INSL6: variants seen among roughly 807,000 people sequenced by gnomAD.
The protein encoded by INSL6 is insulin-like peptide INSL6.
Under a neutral mutation model 9.4 loss-of-function variants are expected in INSL6, and 16 were observed. That is an observed-to-expected ratio of 1.70 (90% CI 1.15 to 2.59). The LOEUF (loss-of-function observed/expected upper bound fraction) is 2.59. Ranked by LOEUF, INSL6 falls within the 30% of genes most tolerant of loss-of-function variation. The pLI is 0.00. For missense variants in INSL6, 391 were observed against 257.3 expected, an observed-to-expected ratio of 1.52 and a Z score of -3.56; for synonymous variants, 154 against 96.9, an observed-to-expected ratio of 1.59 and a Z score of -3.46.
chr9:5,005,107 T>A, the INSL6 span, among the ~76,000 whole-genome samples: 1 of 110,626 alleles, frequency 9.0e-6, no homozygotes, highest in Non-Finnish European at 1.9e-5. Context: ...TTTTTTTTTT[T>A]TTTTTTTTTT....
At position 5,185,467 on chromosome 9, in the gene INSL6, C is replaced by T. The variant is rs758358190; in HGVS notation, c.136G>A (p.Gly46Ser). The change falls in exon 1 of 2, where the codon GGC (glycine) becomes AGC (serine). Residue 46 changes from glycine to serine, a missense_variant. Gly to Ser is a moderately conservative substitution (Grantham distance 56, BLOSUM62 0). Coordinates refer to ENST00000381641, the MANE Select transcript of INSL6 (RefSeq NM_007179.3). ...YLVKEIEKLC[G>S]HANWSQFRFE... is the part of the protein sequence containing the mutation. Reference sequence around the variant, plus strand: ...CGGAACTGGCTCCAGTTGGCATGGCCGCAGAGTTTTTCTATTTCTTTCACC... The same window carrying T: ...CGGAACTGGCTCCAGTTGGCATGGCTGCAGAGTTTTTCTATTTCTTTCACC... 5.0e-6 allele frequency: 8 copies of T among 1,614,168 alleles called. No individual in the cohort carries two copies. In the East Asian group the frequency reaches 6.7e-5, roughly 13 times the overall value.
At chr9:5,055,862 C>T in the INSL6 span, 4 of 1,330,252 alleles carry the variant, frequency 3.0e-6, no homozygotes, top group Admixed American at 6.6e-5. Context: ...AATCTTAGTA[C>T]CAAAATTATT....
rs2130905180 is a variant in INSL6 at position 5,164,046 on chromosome 9, T to C, written c.509A>G (p.Lys170Arg). 2 of 1,613,804 alleles carry C rather than the reference T, an allele frequency of 1.2e-6. No homozygotes were observed. Among genetic ancestry groups the C allele is most frequent in the South Asian group, 2.2e-5 (2 of 91,044 alleles). Residue 170 changes from lysine (K) to arginine (R), a missense_variant, in exon 2 of 2, where the codon AAA becomes AGA. Lys to Arg is a conservative substitution (Grantham distance 26). Transcript: ENST00000381641. ...ACACTTTTCTGAATATCCTCTGCGT[T>C]TTCTTTGGGGATGATGCCCCCAAAA... The part of the protein sequence containing the change: ...NLFWGHHPQR[K>R]RRGYSEKCCL...
At chr9:5,171,673 C>T (rs931894971) in intron 1 of INSL6, among the ~76,000 whole-genome samples, 3 of 152,132 alleles carry the variant, frequency 2.0e-5, no homozygotes, top group Non-Finnish European at 4.4e-5. Context: ...GTGCAAAGGT[C>T]ACACACATTC....
At chr9:5,028,666 A>AACTTGCTGCATCCTCTCCATCAAC in the INSL6 span, among the ~76,000 whole-genome samples, 3 of 152,212 alleles carry the variant, frequency 2.0e-5, no homozygotes, top group Non-Finnish European at 2.9e-5. Flanking sequence ...ATCTTTGGAT[A>AACTTGCTGCATCCTCTCCATCAAC]ACTTGCTGCA....
the INSL6 span, among the ~76,000 whole-genome samples, chr9:5,051,460 G>T: frequency 6.6e-6 from 1 of 152,006 alleles, no homozygotes; most frequent in Non-Finnish European, 1.5e-5. Context: ...AAAGATTTCT[G>T]GGTCCTAATC....
intron 2 of INSL6, among the ~76,000 whole-genome samples, chr9:5,150,030 A>T (rs1160315331): frequency 6.6e-6 from 1 of 152,210 alleles, no homozygotes; most frequent in African/African-American, 2.4e-5. Context: ...GTGCTAGGAA[A>T]ATTGGATAGC....
the INSL6 span, among the ~76,000 whole-genome samples, chr9:5,090,193 C>T: frequency 1.3e-5 from 2 of 152,154 alleles, no homozygotes; most frequent in Admixed American, 1.3e-4. Context: ...GAAGTTTTCT[C>T]ATCAGTTTAT....
At chr9:5,081,188 C>G in the INSL6 span, among the ~76,000 whole-genome samples, 1 of 151,850 alleles carries the variant, frequency 6.6e-6, no homozygotes, top group Non-Finnish European at 1.5e-5. Context: ...AGCCACCGCT[C>G]CCAGCCAAAA....
At chr9:5,009,643 C>G in the INSL6 span, among the ~76,000 whole-genome samples, 3 of 152,206 alleles carry the variant, frequency 2.0e-5, no homozygotes, top group Admixed American at 1.3e-4. Context: ...TCCTACAACC[C>G]CTGCCCCATC....
At chr9:4,993,186 T>C in the INSL6 span, among the ~76,000 whole-genome samples, 1 of 152,182 alleles carries the variant, frequency 6.6e-6, no homozygotes, top group Non-Finnish European at 1.5e-5. Context: ...AGGAACTCTT[T>C]CCTCCCCTAA....
the INSL6 span, among the ~76,000 whole-genome samples, chr9:5,037,054 G>A: frequency 2.0e-5 from 3 of 152,176 alleles, no homozygotes; most frequent in South Asian, 4.1e-4. Flanking sequence ...CGAAGGATAC[G>A]AACAGACACT....
At chr9:5,073,542 C>A in the INSL6 span, among the ~76,000 whole-genome samples, 2 of 152,164 alleles carry the variant, frequency 1.3e-5, no homozygotes, top group African/African-American at 4.8e-5. Context: ...ATGGCAGTTG[C>A]AGGTCCATAT....
chr9:5,009,512 A>G, the INSL6 span, among the ~76,000 whole-genome samples: 2 of 151,998 alleles, frequency 1.3e-5, no homozygotes, highest in Non-Finnish European at 2.9e-5. Flanking sequence ...TATGTTTTCA[A>G]AATATTCTTA....
the INSL6 span, among the ~76,000 whole-genome samples, chr9:4,996,934 T>C: frequency 6.9e-6 from 1 of 144,740 alleles, no homozygotes; most frequent in South Asian, 2.2e-4. Flanking sequence ...TGTTCTTTTT[T>C]TTTTTTTTTT....
chr9:5,070,060 A>T, the INSL6 span: 1 of 1,589,122 alleles, frequency 6.3e-7, no homozygotes, highest in African/African-American at 1.3e-5. Flanking sequence ...TTTGTAAGTC[A>T]TTAGATACTC....
the INSL6 span, among the ~76,000 whole-genome samples, chr9:4,998,753 C>A: frequency 9.4e-5 from 14 of 149,528 alleles, no homozygotes; most frequent in Admixed American, 2.7e-4. Flanking sequence ...AAAAAAAAAA[C>A]AACAAAAAAC....
downstream of INSL6, among the ~76,000 whole-genome samples, chr9:5,122,368 G>C (rs548335619): frequency 6.6e-6 from 1 of 152,042 alleles, no homozygotes; most frequent in Admixed American, 6.6e-5. Context: ...CCCTCTTCTG[G>C]TTAACAGGTT....
At chr9:5,111,508 T>C in the INSL6 span, 1 of 364,842 alleles carries the variant, frequency 2.7e-6, no homozygotes, top group East Asian at 7.2e-5. Flanking sequence ...CCGCCGCCTA[T>C]CCATCCGCCA....
Sources: allele counts gnomAD v4.1 joint callset (sites outside exome capture counted in the v4.1 genomes callset), GRCh38; gene constraint gnomAD v4.1.1; transcripts MANE v1.5; gene names NCBI Gene and HGNC (gene_info 2026-07-23, HGNC 2026-07-21).